SP100: variants seen among roughly 807,000 people sequenced by gnomAD.
SP100 encodes the protein SP100 nuclear body protein, also known as nuclear autoantigen Sp-100.
In SP100, 84 loss-of-function variants were observed where a neutral mutation model predicts 130.0. The observed-to-expected ratio is 0.65, with a 90% CI of 0.54 to 0.77. The LOEUF (loss-of-function observed/expected upper bound fraction) is 0.77, where lower values mean the gene tolerates loss of function less well. SP100 is among the 30% of genes least tolerant of loss of function. SP100 has a pLI of 0.00. For synonymous variants in SP100, 331 were observed against 351.7 expected (o/e 0.94, Z 0.66); for missense variants, 978 against 1,052.2 (o/e 0.93, Z 0.97).
Position 230,541,873 on chromosome 2 carries a change from T to C in SP100, c.2404-19T>C. The C allele has an allele frequency of 1.2e-6, 2 of 1,610,418 alleles. No individual in the cohort carries two copies. Among genetic ancestry groups the C allele is most frequent in the Non-Finnish European group, 1.7e-6 (2 of 1,178,828 alleles). ...ATGGCACTGGGCTGATAGCCTCATT[T>C]TGGTCTTTTACTCAACAGAACAGAG... is the stretch of plus-strand genomic sequence containing the variant. On this transcript the variant is annotated intron_variant, in intron 27 of 28. Transcript: ENST00000340126.
intron 7 of SP100, 129 bp from the exon 8 acceptor site, chr2:230,450,043 C>T: frequency 4.5e-6 from 3 of 672,650 alleles, no homozygotes; most frequent in Non-Finnish European, 7.9e-6. Context: ...CTTCACGCAG[C>T]AATATATGCA....
At chr2:230,501,388 G>A (rs1179408765) in intron 19 of SP100, among the ~76,000 whole-genome samples, 1 of 152,154 alleles carries the variant, frequency 6.6e-6, no homozygotes, top group Non-Finnish European at 1.5e-5. Context: ...AACATCTTGT[G>A]CGGTAGAGCA....
At chr2:230,496,122 T>C (rs927035958) in intron 18 of SP100, among the ~76,000 whole-genome samples, 1 of 152,180 alleles carries the variant, frequency 6.6e-6, no homozygotes, top group Non-Finnish European at 1.5e-5. Flanking sequence ...TTCCGTCATG[T>C]TTCTACTGGT....
chr2:230,538,227 G>T (rs2150114962), intron 24 of SP100: 1 of 152,258 alleles, frequency 6.6e-6, no homozygotes, highest in East Asian at 1.9e-4. Flanking sequence ...TTACTAAAAA[G>T]GTTAAAGAGA....
chr2:230,459,884 C>T (rs2064491932), intron 8 of SP100, among the ~76,000 whole-genome samples: 2 of 152,142 alleles, frequency 1.3e-5, no homozygotes, highest in Admixed American at 1.3e-4. Flanking sequence ...CCAGTGCCTT[C>T]GTGTGGCCCT....
intron 24 of SP100, among the ~76,000 whole-genome samples, chr2:230,531,110 A>G (rs1249039853): frequency 4.6e-5 from 7 of 152,234 alleles, no homozygotes; most frequent in Non-Finnish European, 1.0e-4. Flanking sequence ...CTATAAAGAC[A>G]CATGCACACG....
chr2:230,530,032 C>T (rs1691624506), intron 24 of SP100, among the ~76,000 whole-genome samples: 1 of 152,144 alleles, frequency 6.6e-6, no homozygotes, highest in South Asian at 2.1e-4. Context: ...TCAATGCTAT[C>T]CCCATCAAGC....
chr2:230,441,479 A>G (rs2063466068), intron 2 of SP100, among the ~76,000 whole-genome samples: 1 of 152,212 alleles, frequency 6.6e-6, no homozygotes, highest in Non-Finnish European at 1.5e-5. Context: ...TCAAAGTGGA[A>G]TCAACTCCAA....
chr2:230,498,285 A>G (rs2066809079), intron 18 of SP100, among the ~76,000 whole-genome samples, 176 bp from the exon 19 acceptor site: 2 of 152,186 alleles, frequency 1.3e-5, no homozygotes, highest in Admixed American at 6.5e-5. Context: ...AAGAAAATCT[A>G]GGATGAACCC....
chr2:230,508,059 G>A, intron 23 of SP100, 28 bp downstream of exon 23: 1 of 1,612,434 alleles, frequency 6.2e-7, no homozygotes, highest in Non-Finnish European at 8.5e-7. Context: ...TTCTGCCAAT[G>A]TCTCGTCTAT....
At position 230,442,936 on chromosome 2, in the gene SP100, G is replaced by A. The variant is rs1318754379; in HGVS notation, c.108-1G>A. 2.5e-6 allele frequency: 4 copies of A among 1,611,622 alleles called. No homozygotes were observed. The highest frequency in any genetic ancestry group is 3.4e-6 in the Non-Finnish European group (4 of 1,179,232). ...TTTCACATGGTGTCCTTTTTCCCTA[G>A]GATGTTCACGGAAGACCAGGGTGTA... On this transcript the variant is annotated splice_acceptor_variant, in intron 2 of 28. Coordinates refer to ENST00000340126, the MANE Select transcript of SP100 (RefSeq NM_001080391.2). LOFTEE classifies it high-confidence loss of function.
At chr2:230,443,198 T>G in intron 3 of SP100, 99 bp downstream of exon 3, 1 of 1,163,668 alleles carries the variant, frequency 8.6e-7, no homozygotes, top group Non-Finnish European at 1.2e-6. Context: ...ATTTGCTAAC[T>G]GACAGGTCTC....
chr2:230,533,354 A>T (rs1691790746), intron 24 of SP100, among the ~76,000 whole-genome samples: 1 of 152,236 alleles, frequency 6.6e-6, no homozygotes, highest in South Asian at 2.1e-4. Flanking sequence ...ATATGCGAGG[A>T]GTAACCTAAA....
intron 24 of SP100, among the ~76,000 whole-genome samples, chr2:230,530,510 A>C (rs1034576827): frequency 6.6e-6 from 1 of 152,254 alleles, no homozygotes; most frequent in South Asian, 2.1e-4. Flanking sequence ...CATTCAGGAT[A>C]TAGGCATGGG....
In SP100 at chr2:230,417,776, C is replaced by T. The variant is rs1215133356; in HGVS notation, c.107+111C>T. 5.5e-6 allele frequency: 8 copies of T among 1,451,024 alleles called. No homozygotes were observed. In the Admixed American group the frequency reaches 1.6e-4, roughly 28 times the overall value. 89.9% of individuals were successfully genotyped at this position (1,451,024 alleles called of 1,614,324 possible). On this transcript the variant is annotated intron_variant, in intron 2 of 28. Transcript: ENST00000340126. ...TTTAAATTCCCTCTTCTATAAATTG[C>T]TTGTTTGTTTTTTGCCAATATGATT...
At chr2:230,503,648 C>G (rs2067160029) in intron 20 of SP100, among the ~76,000 whole-genome samples, 1 of 152,142 alleles carries the variant, frequency 6.6e-6, no homozygotes, top group South Asian at 2.1e-4. Flanking sequence ...TGTGCAGTTT[C>G]TTCTAGAACC....
At chr2:230,443,332 T>C (rs3815885) in intron 3 of SP100, among the ~76,000 whole-genome samples, 24,980 of 152,158 alleles carry the variant, frequency 0.16, 2,192 homozygotes, top group Non-Finnish European at 0.19. Context: ...TTCCATGGTG[T>C]CCTCTGGAGT....
chr2:230,427,064 C>T (rs2062952736), intron 2 of SP100, among the ~76,000 whole-genome samples: 1 of 152,036 alleles, frequency 6.6e-6, no homozygotes, highest in Non-Finnish European at 1.5e-5. Context: ...TAAATATAGT[C>T]ACCTCTGCTG....
In SP100 at chr2:230,461,263, C is replaced by T. The variant is rs759520604; in HGVS notation, c.822C>T (p.Ser274=). ...MPCPLPCDEE[S]PEAELHNHGI... is the part of the protein sequence containing the mutation. ...AAATTCTTCATTTATTACAATTAGGCCCAGAGGCAGAGCTACACAACCATG... is the reference window on the plus strand; with the variant it reads ...AAATTCTTCATTTATTACAATTAGGTCCAGAGGCAGAGCTACACAACCATG... The change falls in exon 9 of 29, where the codon AGC becomes AGT. Residue 274 remains serine (S), a splice_region_variant and synonymous_variant. Coordinates refer to ENST00000340126, the MANE Select transcript of SP100 (RefSeq NM_001080391.2). The T allele has an allele frequency of 1.2e-6, 2 of 1,613,512 alleles. No individual in the cohort carries two copies. The highest frequency in any genetic ancestry group is 1.1e-5 in the South Asian group (1 of 91,050).
Sources: allele counts gnomAD v4.1 joint callset (sites outside exome capture counted in the v4.1 genomes callset), GRCh38; gene constraint gnomAD v4.1.1; transcripts MANE v1.5; gene names NCBI Gene and HGNC (gene_info 2026-07-23, HGNC 2026-07-21).